Variants in MEIOB observed in about 807,000 individuals in gnomAD.
The protein encoded by MEIOB is meiosis-specific with OB domain-containing protein.
MEIOB carries 50 observed loss-of-function variants against 53.1 expected under a neutral mutation model. The ratio of observed to expected loss-of-function variants is 0.94; its 90% CI spans 0.75 to 1.19. The LOEUF (loss-of-function observed/expected upper bound fraction) is 1.19. Among genes scored for constraint, MEIOB ranks in the 50% most tolerant of loss-of-function variants. The pLI is 0.00. For missense variants in MEIOB, 551 were observed against 550.8 expected (o/e 1.00, Z 0.00); for synonymous variants, 192 against 182.5 (o/e 1.05, Z -0.42).
chr16:1,839,644 C>T (rs3813760), intron 11 of MEIOB: 90,372 of 490,832 alleles, frequency 0.18, 8,873 homozygotes, highest in South Asian at 0.29. Context: ...TCTGAAACTG[C>T]GTACACCAGT....
chr16:1,865,170 A>G (rs575594553), intron 3 of MEIOB, among the ~76,000 whole-genome samples: 16 of 152,110 alleles, frequency 1.1e-4, no homozygotes, highest in Middle Eastern at 3.4e-3. Context: ...GGTGGCTCAC[A>G]CCTGTAATTC....
intron 9 of MEIOB, among the ~76,000 whole-genome samples, chr16:1,848,556 T>G (rs1022966916): frequency 2.0e-5 from 3 of 149,230 alleles, no homozygotes; most frequent in African/African-American, 7.4e-5. Context: ...TTTTTTTTTT[T>G]TTTGGAGACA....
chr16:1,860,535 T>A, intron 4 of MEIOB, 60 bp from the exon 5 acceptor site: 9 of 895,970 alleles, frequency 1.0e-5, no homozygotes, highest in Non-Finnish European at 1.4e-5. Flanking sequence ...AACACTAACA[T>A]CCTAAATAAC....
chr16:1,853,030 G>A lies in MEIOB; in HGVS notation c.778+9C>T. ...CCAAAGGGATAAAAGGTTTCACAAA[G>A]TTTTTTACCTGGATTAGTTGTAATA... On this transcript the variant is annotated intron_variant, in intron 9 of 13. Transcript: ENST00000325962. 6.3e-7 allele frequency: 1 copy of A among 1,579,444 alleles called. No individual in the cohort carries two copies. Among genetic ancestry groups the A allele is most frequent in the South Asian group, 1.1e-5 (1 of 90,012 alleles).
At position 1,862,029 on chromosome 16, in the gene MEIOB, T is replaced by C. The variant is rs374620248; in HGVS notation, c.215A>G (p.Asp72Gly). ...GCTGTCAGAAAGAGACTTGATGTAA[T>C]CTTCATTGCCCCAGGAAGCTGCATT... ...FVNAASWGNE[D>G]YIKSLSDSFR... The change falls in exon 4 of 14, where the codon GAT becomes GGT. Residue 72 changes from aspartate to glycine, a missense_variant. By Grantham distance (94) the Asp-to-Gly change is moderately conservative (BLOSUM62 -1). Coordinates refer to ENST00000325962, the MANE Select transcript of MEIOB (RefSeq NM_001163560.3). The C allele has an allele frequency of 3.9e-6, 6 of 1,551,398 alleles. No homozygotes were observed. Among genetic ancestry groups the C allele is most frequent in the African/African-American group, 2.7e-5 (2 of 73,038 alleles).
At chr16:1,861,840 A>C in intron 4 of MEIOB, 145 bp downstream of exon 4, 1 of 837,950 alleles carries the variant, frequency 1.2e-6, no homozygotes, top group Non-Finnish European at 1.8e-6. Context: ...CCACTGCATT[A>C]TACTCTTAAC....
rs1412058688 is a variant in MEIOB, at chr16:1,839,456, CAATGAT to C, written c.1035-24_1035-19del. On this transcript the variant is annotated intron_variant, in intron 11 of 13. Transcript: ENST00000325962. ...AGCTGGAACTGAAAAGAAACAAAGA[CAATGAT>C]AAAATGTGATGCCCTAAGCTACAAA... is the stretch of plus-strand genomic sequence containing the variant. The C allele has an allele frequency of 6.3e-7, 1 of 1,593,610 alleles. No homozygotes were observed. The highest frequency in any genetic ancestry group is 1.4e-5 in the African/African-American group (1 of 73,972).
chr16:1,853,118 A>G lies in MEIOB; in HGVS notation c.699T>C (p.Asp233=), dbSNP rs764062771. ...GAAATTTGTCAAAATTTATTCTTAC[A>G]TCTGAGGCAAATATTACTGTTTGGG... The part of the protein sequence containing the change: ...MPRETVIFAS[D]VRINFDKFRN... Residue 233 remains aspartate, a synonymous_variant, in exon 9 of 14, where the codon GAT becomes GAC. Coordinates refer to ENST00000325962, the MANE Select transcript of MEIOB (RefSeq NM_001163560.3). The G allele has an allele frequency of 2.5e-6, 4 of 1,611,846 alleles. No homozygotes were observed. In the African/African-American group the frequency reaches 5.3e-5, roughly 22 times the overall value.
intron 5 of MEIOB, 23 bp downstream of exon 5, chr16:1,860,380 C>G (rs1204532125): frequency 7.5e-7 from 1 of 1,329,940 alleles, no homozygotes; most frequent in African/African-American, 1.5e-5. Context: ...CTCGCACAAT[C>G]TCTGTGCTAG....
intron 13 of MEIOB, among the ~76,000 whole-genome samples, chr16:1,834,567 T>C (rs989486935): frequency 6.6e-6 from 1 of 152,242 alleles, no homozygotes; most frequent in African/African-American, 2.4e-5. Context: ...GCCCAGCTTC[T>C]GACTGATTTT....
chr16:1,848,546 T>TTC (rs1252195916), intron 9 of MEIOB, among the ~76,000 whole-genome samples: 3 of 143,710 alleles, frequency 2.1e-5, no homozygotes, highest in Non-Finnish European at 4.6e-5. Flanking sequence ...TTTTTTTCCT[T>TTC]TTTTTTTTTT....
chr16:1,865,845 A>G lies in MEIOB; in HGVS notation c.70-10T>C, dbSNP rs923045138. ...CTATACCGATAACTTTCTGAAAAACAAAAAGGTCACAGAAGACCAATATTA... is the reference window on the plus strand; with the variant it reads ...CTATACCGATAACTTTCTGAAAAACGAAAAGGTCACAGAAGACCAATATTA... On this transcript the variant is annotated splice_polypyrimidine_tract_variant and intron_variant, in intron 2 of 13. Coordinates refer to ENST00000325962, the MANE Select transcript of MEIOB (RefSeq NM_001163560.3). 6.5e-7 allele frequency: 1 copy of G among 1,539,152 alleles called. No homozygotes were observed. The highest frequency in any genetic ancestry group is 8.8e-7 in the Non-Finnish European group (1 of 1,140,776).
intron 10 of MEIOB, 137 bp downstream of exon 10, chr16:1,844,725 T>C: frequency 1.9e-6 from 1 of 540,346 alleles, no homozygotes. Flanking sequence ...ATGCCCACTA[T>C]TTTAAGCTAC....
intron 9 of MEIOB, among the ~76,000 whole-genome samples, chr16:1,847,662 C>T (rs540723071): frequency 2.6e-5 from 4 of 152,046 alleles, no homozygotes; most frequent in Admixed American, 1.3e-4. Flanking sequence ...AAAGAAGGAA[C>T]TACTTTGTGA....
intron 10 of MEIOB, among the ~76,000 whole-genome samples, chr16:1,843,278 G>A (rs1422007382): frequency 1.3e-5 from 2 of 150,890 alleles, no homozygotes; most frequent in Non-Finnish European, 2.9e-5. Flanking sequence ...GGGCGACAGA[G>A]CGAGACTCCA....
At chr16:1,852,562 GTT>G (rs796889434) in intron 9 of MEIOB, among the ~76,000 whole-genome samples, 1 of 142,728 alleles carries the variant, frequency 7.0e-6, no homozygotes, top group African/African-American at 2.6e-5. Context: ...CGCCAGCCTT[GTT>G]TTTTTTTTAA....
chr16:1,851,818 T>C (rs571578489), intron 9 of MEIOB, among the ~76,000 whole-genome samples: 4 of 152,334 alleles, frequency 2.6e-5, no homozygotes, highest in African/African-American at 9.6e-5. Context: ...CGTGAGCGTA[T>C]GTTTTAAATG....
intron 5 of MEIOB, among the ~76,000 whole-genome samples, chr16:1,859,580 G>A (rs1899391481): frequency 3.3e-5 from 5 of 152,162 alleles, no homozygotes; most frequent in Middle Eastern, 3.4e-3. Context: ...AAATACAAAC[G>A]TTCTTAGTGC....
intron 3 of MEIOB, 129 bp from the exon 4 acceptor site, chr16:1,862,245 T>A: frequency 1.4e-6 from 1 of 691,630 alleles, no homozygotes; most frequent in Non-Finnish European, 2.4e-6. Context: ...ATCAAATAAC[T>A]ATTGATTATG....
Sources: gnomAD v4.1 joint callset for allele counts (sites outside exome capture counted in the v4.1 genomes callset) on GRCh38, gnomAD v4.1.1 for gene constraint, MANE v1.5 for transcripts, NCBI Gene and HGNC (gene_info 2026-07-23, HGNC 2026-07-21) for gene names.